POP1: variants seen among roughly 807,000 people sequenced by gnomAD.
POP1 encodes the protein POP1 ribonuclease P/MRP subunit, also known as ribonucleases P/MRP protein subunit POP1.
Under a neutral mutation model 102.2 loss-of-function variants are expected in POP1, and 75 were observed. The observed-to-expected ratio is 0.73, with a 90% CI of 0.61 to 0.89. The LOEUF (loss-of-function observed/expected upper bound fraction) is 0.89, where lower values mean the gene tolerates loss of function less well. Ranked by LOEUF, POP1 falls within the 40% of genes least tolerant of loss-of-function variation. The probability of loss-of-function intolerance (pLI) is 0.00; values close to 1 mark genes in which losing one functional copy is unlikely to be tolerated. For synonymous variants in POP1, 436 were observed against 464.1 expected, an observed-to-expected ratio of 0.94 and a Z score of 0.78; for missense variants, 1,116 against 1,267.4, an observed-to-expected ratio of 0.88 and a Z score of 1.81.
At chr8:98,146,723 G>A (rs763761522) in intron 12 of POP1, 40 bp downstream of exon 12, 2 of 1,380,738 alleles carry the variant, frequency 1.4e-6, no homozygotes, top group Non-Finnish European at 2.1e-6. Flanking sequence ...AGTCATGAAT[G>A]ACAGGTTAAA....
chr8:98,140,115 G>A lies in POP1; in HGVS notation c.1400G>A (p.Trp467Ter). ...EDTEETPHRW[W>*]IETCKKPDSV... ...ACAGAGGAGACACCTCACCGCTGGT[G>A]GATAGAAACCTGTAAGAAACCTGAC... Residue 467 changes from tryptophan to a stop codon, truncating the protein, a stop_gained, in exon 10 of 16, where the codon TGG becomes TAG. Coordinates refer to ENST00000401707, the MANE Select transcript of POP1 (RefSeq NM_001145860.2). LOFTEE classifies it high-confidence loss of function. 1 of 1,614,140 alleles carries A rather than the reference G, an allele frequency of 6.2e-7. No homozygotes were observed. The highest frequency in any genetic ancestry group is 8.5e-7 in the Non-Finnish European group (1 of 1,180,022).
intron 14 of POP1, among the ~76,000 whole-genome samples, chr8:98,153,504 T>A (rs1809569513): frequency 6.7e-6 from 1 of 149,520 alleles, no homozygotes; most frequent in Admixed American, 6.7e-5. Context: ...TTGGCTATCT[T>A]CCAACTAGAT....
rs747098757 is a variant in POP1 at position 98,146,609 on chromosome 8, G to A, written c.1636G>A (p.Val546Met). The change falls in exon 12 of 16, where the codon GTG becomes ATG. Residue 546 changes from valine to methionine, a missense_variant. By Grantham distance (21) the Val-to-Met change is conservative (BLOSUM62 1). Coordinates refer to ENST00000401707, the MANE Select transcript of POP1 (RefSeq NM_001145860.2). ...VRQLLLEGVP[V>M]ECTHSFIWNQ... Reference sequence around the variant, plus strand: ...ACAGCTGCTTCTGGAGGGTGTGCCTGTGGAATGTACGCATAGCTTTATCTG... The same window carrying A: ...ACAGCTGCTTCTGGAGGGTGTGCCTATGGAATGTACGCATAGCTTTATCTG... 1.9e-6 allele frequency: 3 copies of A among 1,614,062 alleles called. No homozygotes were observed. The highest frequency in any genetic ancestry group is 1.7e-6 in the Non-Finnish European group (2 of 1,179,936).
intron 9 of POP1, among the ~76,000 whole-genome samples, chr8:98,139,603 T>C (rs1470265908): frequency 6.6e-6 from 1 of 152,110 alleles, no homozygotes; most frequent in Non-Finnish European, 1.5e-5. Context: ...GGCATGTGAC[T>C]GTGGTTCCAT....
intron 11 of POP1, among the ~76,000 whole-genome samples, chr8:98,142,240 G>A (rs1461709308): frequency 6.6e-6 from 1 of 152,020 alleles, no homozygotes; most frequent in African/African-American, 2.4e-5. Flanking sequence ...TCAGCTCAAG[G>A]AAAATTAAAG....
intron 1 of POP1, among the ~76,000 whole-genome samples, chr8:98,120,562 C>T (rs997383656): frequency 4.0e-5 from 6 of 150,716 alleles, no homozygotes; most frequent in Non-Finnish European, 7.4e-5. Flanking sequence ...ATCTCCGCCT[C>T]CTGGGTTCAA....
chr8:98,121,442 A>G lies in POP1; in HGVS notation c.-2-1894A>G, dbSNP rs564481892. Among the ~76,000 whole-genome samples, 119 of 151,632 alleles carry G rather than the reference A, an allele frequency of 7.8e-4. 2 individuals carry two copies. In the South Asian group the frequency reaches 0.015, roughly 19 times the overall value. On this transcript the variant is annotated intron_variant, in intron 1 of 15. Coordinates refer to ENST00000401707, the MANE Select transcript of POP1 (RefSeq NM_001145860.2). Reference sequence around the variant, plus strand: ...TGGGCAGGGACCAGGGATATTAGACAGCCTGCTATGTGCAGAAAAGCCCCA... The same window carrying G: ...TGGGCAGGGACCAGGGATATTAGACGGCCTGCTATGTGCAGAAAAGCCCCA...
rs755145053 is a variant in POP1 at position 98,158,231 on chromosome 8, C to T, written c.3035C>T (p.Ser1012Phe). 1 of 1,612,132 alleles carries T rather than the reference C, an allele frequency of 6.2e-7. No individual in the cohort carries two copies. The highest frequency in any genetic ancestry group is 1.3e-5 in the African/African-American group (1 of 75,054). ...TTAGTGCTACTGAGGCCTCCCGCCTCTCTGCAGTATCGATTTGCGAGGATT... is the reference window on the plus strand; with the variant it reads ...TTAGTGCTACTGAGGCCTCCCGCCTTTCTGCAGTATCGATTTGCGAGGATT... ...RGLVLLRPPA[S>F]LQYRFARIAI... Residue 1012 changes from serine to phenylalanine, a missense_variant, in exon 16 of 16, where the codon TCT (serine) becomes TTT (phenylalanine). Transcript: ENST00000401707.
rs1816474135 is a variant in POP1, at chr8:98,134,512, C to A, written c.864C>A (p.Arg288=). The change falls in exon 7 of 16, where the codon CGC becomes CGA. Residue 288 remains arginine (R), a synonymous_variant. Transcript: ENST00000401707. ...CAGTTCACTGCTTGTCTGGAAAGCG[C>A]CAAGGGAGCCTTGTGCTTTATCGGG... ...FAAVHCLSGK[R]QGSLVLYRVN... The A allele has an allele frequency of 6.2e-7, 1 of 1,614,044 alleles. No individual in the cohort carries two copies. Among genetic ancestry groups the A allele is most frequent in the Non-Finnish European group, 8.5e-7 (1 of 1,180,042 alleles).
chr8:98,146,553 T>G lies in POP1; in HGVS notation c.1595-15T>G, dbSNP rs1816847811. ...TGAAGGATGTGGTTTGAAGGCTATT[T>G]CTTTTCCCTCTTAGATAATGAGAAA... On this transcript the variant is annotated splice_polypyrimidine_tract_variant and intron_variant, in intron 11 of 15. Transcript: ENST00000401707. 1 of 1,589,078 alleles carries G rather than the reference T, an allele frequency of 6.3e-7. No individual in the cohort carries two copies. The highest frequency in any genetic ancestry group is 1.7e-5 in the Admixed American group (1 of 59,968).
chr8:98,156,899 A>ATTTT (rs35066160), intron 15 of POP1, among the ~76,000 whole-genome samples: 2 of 128,252 alleles, frequency 1.6e-5, no homozygotes, highest in Non-Finnish European at 3.3e-5. Context: ...CTTTGCTCTG[A>ATTTT]TTTTTTTTTT....
intron 2 of POP1, among the ~76,000 whole-genome samples, chr8:98,125,531 C>T (rs1816174321): frequency 6.6e-6 from 1 of 151,308 alleles, no homozygotes; most frequent in South Asian, 2.1e-4. Flanking sequence ...TGCCCAGACA[C>T]TTGTATGGAA....
chr8:98,140,102 C>A lies in POP1; in HGVS notation c.1387C>A (p.Pro463Thr). The change falls in exon 10 of 16, where the codon CCT (proline) becomes ACT (threonine). Residue 463 changes from proline to threonine, a missense_variant. Physicochemically the swap from Pro to Thr is conservative, Grantham distance 38 (BLOSUM62 -1). Coordinates refer to ENST00000401707, the MANE Select transcript of POP1 (RefSeq NM_001145860.2). ...HTVGEDTEETPHRWWIETCKK... is the reference protein window; with the variant it reads ...HTVGEDTEETTHRWWIETCKK... ...GGTGGGAGAGGACACAGAGGAGACACCTCACCGCTGGTGGATAGAAACCTG... is the reference window on the plus strand; with the variant it reads ...GGTGGGAGAGGACACAGAGGAGACAACTCACCGCTGGTGGATAGAAACCTG... 6.2e-7 allele frequency: 1 copy of A among 1,614,028 alleles called. No individual in the cohort carries two copies. The highest frequency in any genetic ancestry group is 8.5e-7 in the Non-Finnish European group (1 of 1,179,932).
chr8:98,155,962 A>G lies in POP1; in HGVS notation c.2058-88A>G, dbSNP rs1025762544. The G allele has an allele frequency of 3.9e-6, 4 of 1,029,532 alleles. No homozygotes were observed. In the African/African-American group the frequency reaches 6.9e-5, roughly 18 times the overall value. The allele number at this position is 1,029,532 out of a possible 1,614,324, so 63.8% of individuals were successfully genotyped here. A position where few individuals can be genotyped will look rare whatever the true frequency, so the allele number is the denominator to read the frequency against. On this transcript the variant is annotated intron_variant, in intron 14 of 15. Coordinates refer to ENST00000401707, the MANE Select transcript of POP1 (RefSeq NM_001145860.2). Reference sequence around the variant, plus strand: ...GTGTGTGTGTGTGTGTGTGTTTTAAAATAGAGATGCATTATAATGGTTATA... The same window carrying G: ...GTGTGTGTGTGTGTGTGTGTTTTAAGATAGAGATGCATTATAATGGTTATA...
Position 98,117,338 on chromosome 8 carries a change from C to G in POP1, c.-55C>G, listed in dbSNP as rs1815866601. ...TCCAGGAGCTTTGGCTCGGTGGGTACTGTCGCGGAGGCTTGTCATTCTGAC... is the reference window on the plus strand; with the variant it reads ...TCCAGGAGCTTTGGCTCGGTGGGTAGTGTCGCGGAGGCTTGTCATTCTGAC... On this transcript the variant is annotated 5_prime_UTR_variant, in exon 1 of 16. Transcript: ENST00000401707. The G allele has an allele frequency of 5.5e-6, 3 of 549,226 alleles. No individual in the cohort carries two copies. The highest frequency in any genetic ancestry group is 9.8e-6 in the Non-Finnish European group (3 of 306,170). 34.0% of individuals were successfully genotyped at this position (549,226 alleles called of 1,614,324 possible). A position where few individuals can be genotyped will look rare whatever the true frequency, so the allele number is the denominator to read the frequency against.
At position 98,136,699 on chromosome 8, in the gene POP1, C is replaced by A. The variant is rs1269515213; in HGVS notation, c.1229C>A (p.Pro410Gln). The A allele has an allele frequency of 1.2e-6, 2 of 1,613,292 alleles. No homozygotes were observed. The highest frequency in any genetic ancestry group is 1.7e-6 in the Non-Finnish European group (2 of 1,179,256). ...IGDGTRDPCL[P>Q]YSWISPTTGI... is the part of the protein sequence containing the mutation. ...GATGGAACTAGAGATCCATGTCTAC[C>A]ATACTCTTGGATCTCTCCAACCACA... The change falls in exon 8 of 16, where the codon CCA becomes CAA. Residue 410 changes from proline (P) to glutamine (Q), a missense_variant. By Grantham distance (76) the Pro-to-Gln change is moderately conservative. Transcript: ENST00000401707.
Position 98,136,482 on chromosome 8 carries a change from GAT to G in POP1, c.1015_1016del (p.Ile339LeufsTer22). On this transcript the variant is annotated frameshift_variant and splice_region_variant, in exon 8 of 16. Coordinates refer to ENST00000401707, the MANE Select transcript of POP1 (RefSeq NM_001145860.2). LOFTEE classifies it high-confidence loss of function. ...AGTGAATGTTTAAATATATTTTTAG[GAT>G]ATCTTAGAGGAAATAAAAGCAGCGT... ...WIWLHPTLKQDILEEIKAACQ... is the reference protein window; with the variant it reads ...WIWLHPTLKQXILEEIKAACQ... 1 of 1,605,234 alleles carries G rather than the reference GAT, an allele frequency of 6.2e-7. No homozygotes were observed. The highest frequency in any genetic ancestry group is 8.5e-7 in the Non-Finnish European group (1 of 1,176,900).
intron 7 of POP1, among the ~76,000 whole-genome samples, chr8:98,135,209 G>T (rs933006550): frequency 2.9e-4 from 44 of 152,076 alleles, no homozygotes; most frequent in African/African-American, 1.1e-3. Context: ...AGCCCAGGAG[G>T]CAGAGTTGCA....
In POP1 at chr8:98,153,513, A is replaced by G. The variant is rs1324140368; in HGVS notation, c.2058-2537A>G. ...ATTTCTTTGGCTATCTTCCAACTAG[A>G]TTTACAAACAGTTCTGACTCTTTTT... is the stretch of plus-strand genomic sequence containing the variant. On this transcript the variant is annotated intron_variant, in intron 14 of 15. Transcript: ENST00000401707. Among the ~76,000 whole-genome samples the G allele has an allele frequency of 5.1e-5, 7 of 136,404 alleles. 1 individual carries two copies. In the East Asian group the frequency reaches 1.5e-3, roughly 30 times the overall value. The allele number at this position is 136,404 out of a possible 152,430, so 89.5% of individuals were successfully genotyped here.
Sources: gnomAD v4.1 joint callset for allele counts (sites outside exome capture counted in the v4.1 genomes callset) on GRCh38, gnomAD v4.1.1 for gene constraint, MANE v1.5 for transcripts, NCBI Gene and HGNC (gene_info 2026-07-23, HGNC 2026-07-21) for gene names.